ADAM2: variants seen among roughly 807,000 people sequenced by gnomAD.
ADAM2 encodes the protein ADAM metallopeptidase domain 2, also known as disintegrin and metalloproteinase domain-containing protein 2.
A neutral mutation model predicts 99.3 loss-of-function variants in ADAM2; 101 were observed. That is an observed-to-expected ratio of 1.02 (90% CI 0.87 to 1.20). The LOEUF (loss-of-function observed/expected upper bound fraction) is 1.20, where lower values mean the gene tolerates loss of function less well. Among genes scored for constraint, ADAM2 ranks in the 50% most tolerant of loss-of-function variants. The pLI, the probability that ADAM2 is intolerant of heterozygous loss-of-function variation, is 0.00. For missense variants in ADAM2, 948 were observed against 878.7 expected (o/e 1.08, Z -1.00); for synonymous variants, 323 against 287.6 (o/e 1.12, Z -1.25).
intron 14 of ADAM2, among the ~76,000 whole-genome samples, chr8:39,764,044 T>G (rs752859907): frequency 5.9e-5 from 9 of 152,218 alleles, no homozygotes; most frequent in Non-Finnish European, 1.3e-4. Flanking sequence ...TCAAATAGTC[T>G]GAACCTGAGC....
At chr8:39,826,991 A>G (rs1037945065) in intron 3 of ADAM2, among the ~76,000 whole-genome samples, 1 of 152,126 alleles carries the variant, frequency 6.6e-6, no homozygotes, top group African/African-American at 2.4e-5. Context: ...AGATTTGCCA[A>G]CTATACATCT....
chr8:39,831,903 G>A (rs966551219), intron 3 of ADAM2, among the ~76,000 whole-genome samples: 3 of 152,074 alleles, frequency 2.0e-5, no homozygotes, highest in Admixed American at 6.6e-5. Flanking sequence ...GGTTAGCAGA[G>A]TGAGAAAAAG....
chr8:39,809,874 TTAACGAGCAAAA>T (rs1242449795), intron 6 of ADAM2, among the ~76,000 whole-genome samples: 1 of 152,104 alleles, frequency 6.6e-6, no homozygotes, highest in Non-Finnish European at 1.5e-5. Context: ...ACTGCATCAA[TTAACGAGCAAAA>T]TAACCAGCTA....
chr8:39,759,880 T>C (rs189370412), intron 15 of ADAM2, among the ~76,000 whole-genome samples: 1 of 152,348 alleles, frequency 6.6e-6, no homozygotes, highest in East Asian at 1.9e-4. Context: ...TTATTTTTTA[T>C]TTTTGAGGTG....
chr8:39,781,768 C>T (rs1382449449), intron 10 of ADAM2, among the ~76,000 whole-genome samples: 1 of 152,122 alleles, frequency 6.6e-6, no homozygotes, highest in East Asian at 1.9e-4. Context: ...ATACCTAAAA[C>T]AGTCTTGAAG....
chr8:39,777,297 A>C, intron 10 of ADAM2, 136 bp from the exon 11 acceptor site: 2 of 577,660 alleles, frequency 3.5e-6, no homozygotes. Context: ...TTGTTGGTCT[A>C]ACTCATTATA....
At chr8:39,813,012 T>G (rs1804768934) in intron 6 of ADAM2, among the ~76,000 whole-genome samples, 1 of 152,144 alleles carries the variant, frequency 6.6e-6, no homozygotes. Context: ...AGTTTTACAA[T>G]CTAACCATCT....
chr8:39,836,380 A>G (rs183558367), intron 2 of ADAM2, among the ~76,000 whole-genome samples: 2 of 152,244 alleles, frequency 1.3e-5, no homozygotes, highest in Admixed American at 6.5e-5. Context: ...GCTTTTTTCT[A>G]TTTAAATGAT....
At chr8:39,825,504 C>T (rs1163309668) in intron 3 of ADAM2, among the ~76,000 whole-genome samples, 1 of 151,766 alleles carries the variant, frequency 6.6e-6, no homozygotes, top group Non-Finnish European at 1.5e-5. Context: ...AAAAGTTAAG[C>T]TAATCTCAGA....
chr8:39,827,969 GT>G (rs1438236288), intron 3 of ADAM2, among the ~76,000 whole-genome samples: 1 of 151,964 alleles, frequency 6.6e-6, no homozygotes, highest in Non-Finnish European at 1.5e-5. Context: ...GTTGCGAACT[GT>G]TTATATATAA....
chr8:39,806,739 A>G (rs1190180383), intron 7 of ADAM2, among the ~76,000 whole-genome samples: 1 of 152,096 alleles, frequency 6.6e-6, no homozygotes, highest in African/African-American at 2.4e-5. Context: ...AAAGTTGAAG[A>G]TTTGGAGATT....
chr8:39,836,303 A>G (rs1345597180), intron 2 of ADAM2, among the ~76,000 whole-genome samples: 3 of 152,160 alleles, frequency 2.0e-5, no homozygotes, highest in Non-Finnish European at 4.4e-5. Flanking sequence ...ATTTTCTACT[A>G]TTATTAACAT....
intron 7 of ADAM2, among the ~76,000 whole-genome samples, chr8:39,804,398 G>A (rs1804350912): frequency 6.6e-6 from 1 of 151,870 alleles, no homozygotes; most frequent in African/African-American, 2.4e-5. Flanking sequence ...ACATGGAAAA[G>A]GACAATGCAA....
chr8:39,760,449 C>T (rs1802305453), intron 15 of ADAM2, among the ~76,000 whole-genome samples: 1 of 152,152 alleles, frequency 6.6e-6, no homozygotes, highest in South Asian at 2.1e-4. Context: ...TGGCCAGGCG[C>T]GGTGGCTCAC....
At position 39,746,462 on chromosome 8, in the gene ADAM2, A is replaced by G; in HGVS notation, c.2174+10T>C. 1 of 1,518,994 alleles carries G rather than the reference A, an allele frequency of 6.6e-7. No individual in the cohort carries two copies. Among genetic ancestry groups the G allele is most frequent in the Non-Finnish European group, 8.8e-7 (1 of 1,132,848 alleles). 94.1% of individuals were successfully genotyped at this position (1,518,994 alleles called of 1,614,324 possible). A position where few individuals can be genotyped will look rare whatever the true frequency, so the allele number is the denominator to read the frequency against. On this transcript the variant is annotated intron_variant, in intron 19 of 20. Coordinates refer to ENST00000265708, the MANE Select transcript of ADAM2 (RefSeq NM_001464.5). ...ACAAATAACAAATCTTAAATATGAAATCAATATACTCATCGCTTGAATAGT... is the reference window on the plus strand; with the variant it reads ...ACAAATAACAAATCTTAAATATGAAGTCAATATACTCATCGCTTGAATAGT...
chr8:39,791,631 G>C (rs1398310656), intron 7 of ADAM2, among the ~76,000 whole-genome samples: 1 of 151,976 alleles, frequency 6.6e-6, no homozygotes, highest in African/African-American at 2.4e-5. Flanking sequence ...TCTCTTCGTT[G>C]AGCTCTCTGA....
chr8:39,803,759 A>G (rs1176803182), intron 7 of ADAM2, among the ~76,000 whole-genome samples: 1 of 152,244 alleles, frequency 6.6e-6, no homozygotes, highest in African/African-American at 2.4e-5. Context: ...TGGTACTGGG[A>G]TTAGTAAATA....
At position 39,783,747 on chromosome 8, in the gene ADAM2, C is replaced by T. The variant is rs186580762; in HGVS notation, c.891+3227G>A. ...CAGGCAGATCACAAGGTCAGGAGATCGAGACCATCCTGGCTAACATGGTGA... is the reference window on the plus strand; with the variant it reads ...CAGGCAGATCACAAGGTCAGGAGATTGAGACCATCCTGGCTAACATGGTGA... On this transcript the variant is annotated intron_variant, in intron 10 of 20. Transcript: ENST00000265708. Among the ~76,000 whole-genome samples, 6 of 152,082 alleles carry T rather than the reference C, an allele frequency of 3.9e-5. No individual in the cohort carries two copies. In the South Asian group the frequency reaches 6.2e-4, roughly 16 times the overall value.
intron 7 of ADAM2, among the ~76,000 whole-genome samples, chr8:39,794,384 A>G (rs1442598266): frequency 6.6e-6 from 1 of 152,158 alleles, no homozygotes; most frequent in African/African-American, 2.4e-5. Flanking sequence ...TTGTTTGTGG[A>G]TAACTTCAGT....
Sources: allele counts gnomAD v4.1 joint callset (sites outside exome capture counted in the v4.1 genomes callset), GRCh38; gene constraint gnomAD v4.1.1; transcripts MANE v1.5; gene names NCBI Gene and HGNC (gene_info 2026-07-23, HGNC 2026-07-21).